The following CA10 variants were observed in gnomAD, a reference collection of about 807,000 sequenced individuals.
The protein encoded by CA10 is carbonic anhydrase 10 (inactive).
A neutral mutation model predicts 44.2 loss-of-function variants in CA10; 14 were observed. That is an observed-to-expected ratio of 0.32 (90% confidence interval 0.21 to 0.50). The LOEUF is 0.50. CA10 is among the 20% of genes least tolerant of loss of function. The pLI, the probability that CA10 is intolerant of heterozygous loss-of-function variation, is 0.99. For synonymous variants in CA10, 159 were observed against 141.6 expected, an observed-to-expected ratio of 1.12 and a Z score of -0.87; for missense variants, 350 against 409.7, an observed-to-expected ratio of 0.85 and a Z score of 1.26.
chr17:51,805,958 G>A (rs1907117847), intron 3 of CA10, among the ~76,000 whole-genome samples: 2 of 152,228 alleles, frequency 1.3e-5, no homozygotes, highest in African/African-American at 4.8e-5. Context: ...GTGTGTAGAA[G>A]AGCCCTCTGG....
chr17:51,842,580 A>G (rs1180486812), intron 3 of CA10, among the ~76,000 whole-genome samples: 2 of 152,228 alleles, frequency 1.3e-5, no homozygotes, highest in Non-Finnish European at 2.9e-5. Context: ...AGTCACGGTC[A>G]CTAGGTTTAC....
At chr17:51,828,238 C>T (rs561895710) in intron 3 of CA10, among the ~76,000 whole-genome samples, 118 of 152,254 alleles carry the variant, frequency 7.8e-4, no homozygotes, top group African/African-American at 2.2e-3. Flanking sequence ...CAGTGGTTTT[C>T]GTGGAGGTTA....
chr17:51,968,877 A>G (rs1474800419), intron 2 of CA10, among the ~76,000 whole-genome samples: 1 of 151,984 alleles, frequency 6.6e-6, no homozygotes, highest in Non-Finnish European at 1.5e-5. Context: ...CTTGAAAACA[A>G]ACCTATAAGG....
intron 2 of CA10, among the ~76,000 whole-genome samples, chr17:51,977,945 T>C (rs1259391839): frequency 6.6e-6 from 1 of 151,958 alleles, no homozygotes; most frequent in Non-Finnish European, 1.5e-5. Context: ...TCATAAAACT[T>C]TTAGGGTTAA....
intron 1 of CA10, among the ~76,000 whole-genome samples, chr17:52,155,414 T>C (rs1161700581): frequency 1.3e-5 from 2 of 152,206 alleles, no homozygotes; most frequent in Non-Finnish European, 2.9e-5. Context: ...GCCACAAATA[T>C]TCAACCTTAG....
intron 3 of CA10, among the ~76,000 whole-genome samples, chr17:51,796,281 A>T (rs192678226): frequency 1.3e-5 from 2 of 151,740 alleles, no homozygotes; most frequent in African/African-American, 4.8e-5. Context: ...CTGCGATCTC[A>T]TGGAAGTTAA....
intron 2 of CA10, among the ~76,000 whole-genome samples, chr17:51,962,420 TC>T (rs1303344358): frequency 6.6e-6 from 1 of 152,124 alleles, no homozygotes; most frequent in Non-Finnish European, 1.5e-5. Flanking sequence ...CCCATCTGGG[TC>T]CCCAAACCCC....
At chr17:51,685,084 ACTCT>A (rs1228071543) in intron 4 of CA10, among the ~76,000 whole-genome samples, 2 of 152,152 alleles carry the variant, frequency 1.3e-5, no homozygotes, top group Non-Finnish European at 2.9e-5. Context: ...CCATCTGAGG[ACTCT>A]CATGCTAAAA....
intron 4 of CA10, among the ~76,000 whole-genome samples, chr17:51,705,159 T>C (rs773838802): frequency 1.4e-4 from 21 of 152,162 alleles, no homozygotes; most frequent in Non-Finnish European, 2.5e-4. Context: ...TCCTTAAACT[T>C]GCTATGTTCC....
intron 2 of CA10, among the ~76,000 whole-genome samples, chr17:51,959,208 TC>T (rs1395355574): frequency 2.7e-5 from 4 of 148,676 alleles, no homozygotes; most frequent in Admixed American, 6.7e-5. Context: ...TGGAAGACAT[TC>T]TTTTTTTTTT....
At chr17:52,111,205 T>C (rs180916619) in intron 1 of CA10, among the ~76,000 whole-genome samples, 3 of 152,288 alleles carry the variant, frequency 2.0e-5, no homozygotes, top group African/African-American at 7.2e-5. Context: ...ACACTGATTA[T>C]GTATGACGCT....
At chr17:51,734,316 G>A (rs1262458075) in intron 4 of CA10, among the ~76,000 whole-genome samples, 1 of 152,070 alleles carries the variant, frequency 6.6e-6, no homozygotes, top group East Asian at 1.9e-4. Context: ...ACTTCCATAG[G>A]CCTCTTGGTG....
chr17:52,034,403 G>A (rs190389244), intron 2 of CA10, among the ~76,000 whole-genome samples: 3 of 152,068 alleles, frequency 2.0e-5, no homozygotes, highest in Non-Finnish European at 2.9e-5. Context: ...ATAGAGTCTT[G>A]GACAGTGGTT....
At chr17:51,835,476 A>G (rs1007895028) in intron 3 of CA10, among the ~76,000 whole-genome samples, 1 of 152,244 alleles carries the variant, frequency 6.6e-6, no homozygotes, top group Non-Finnish European at 1.5e-5. Flanking sequence ...TGCCACTGCC[A>G]TTCAGCAATC....
intron 4 of CA10, among the ~76,000 whole-genome samples, chr17:51,711,271 C>T (rs1461437200): frequency 6.6e-6 from 1 of 152,126 alleles, no homozygotes; most frequent in Non-Finnish European, 1.5e-5. Context: ...CTCCTATCAG[C>T]GGGTGTGTTG....
intron 3 of CA10, among the ~76,000 whole-genome samples, chr17:51,768,031 C>T (rs1330673408): frequency 2.0e-5 from 3 of 152,088 alleles, no homozygotes; most frequent in Non-Finnish European, 4.4e-5. Flanking sequence ...ATTCCAGAAT[C>T]CAAGCCGGGA....
At chr17:51,980,442 G>T (rs890538759) in intron 2 of CA10, among the ~76,000 whole-genome samples, 1 of 152,070 alleles carries the variant, frequency 6.6e-6, no homozygotes, top group Non-Finnish European at 1.5e-5. Flanking sequence ...CAGACACACA[G>T]TTTGCAAATA....
chr17:52,079,532 G>A (rs1567726194), intron 1 of CA10, among the ~76,000 whole-genome samples: 1 of 149,094 alleles, frequency 6.7e-6, no homozygotes, highest in Non-Finnish European at 1.5e-5. Flanking sequence ...TTGGGTGAAT[G>A]CCTGATAAAC....
At chr17:52,090,447 T>TCA (rs1308691456) in intron 1 of CA10, among the ~76,000 whole-genome samples, 1 of 152,142 alleles carries the variant, frequency 6.6e-6, no homozygotes, top group African/African-American at 2.4e-5. Flanking sequence ...GATGCTGAAA[T>TCA]ATTCCCTAGC....
Sources: allele counts gnomAD v4.1 joint callset (sites outside exome capture counted in the v4.1 genomes callset), GRCh38; gene constraint gnomAD v4.1.1; transcripts MANE v1.5; gene names NCBI Gene and HGNC (gene_info 2026-07-23, HGNC 2026-07-21).